GABRA2: variants seen among roughly 807,000 people sequenced by gnomAD.
GABRA2 encodes gamma-aminobutyric acid receptor subunit alpha-2.
In GABRA2, 16 loss-of-function variants were observed where a neutral mutation model predicts 48.7. That is an observed-to-expected ratio of 0.33 (90% CI 0.22 to 0.50). GABRA2 has a LOEUF of 0.50. Among genes scored for constraint, GABRA2 ranks in the 20% least tolerant of loss-of-function variants. GABRA2 has a pLI of 0.98. For missense variants in GABRA2, 275 were observed against 535.6 expected, an observed-to-expected ratio of 0.51 and a Z score of 4.80; for synonymous variants, 185 against 184.5, an observed-to-expected ratio of 1.00 and a Z score of -0.02.
At chr4:46,329,086 A>G (rs1016357959) in intron 4 of GABRA2, among the ~76,000 whole-genome samples, 4 of 152,056 alleles carry the variant, frequency 2.6e-5, no homozygotes, top group African/African-American at 9.7e-5. Context: ...GATTTGGACA[A>G]ATATCAACAG....
chr4:46,357,005 TTTG>T (rs1322357226), intron 3 of GABRA2, among the ~76,000 whole-genome samples: 2 of 152,020 alleles, frequency 1.3e-5, no homozygotes, highest in Non-Finnish European at 2.9e-5. Flanking sequence ...TTGTTTTGTT[TTTG>T]TTGTTGTTGT....
intron 3 of GABRA2, among the ~76,000 whole-genome samples, chr4:46,358,626 G>T (rs1216085373): frequency 6.6e-6 from 1 of 152,126 alleles, no homozygotes; most frequent in South Asian, 2.1e-4. Context: ...GAAATTCAGG[G>T]ATCACATGTT....
chr4:46,354,833 G>A (rs955466920), intron 3 of GABRA2, among the ~76,000 whole-genome samples: 2 of 152,066 alleles, frequency 1.3e-5, no homozygotes, highest in Non-Finnish European at 2.9e-5. Flanking sequence ...TGGTGCCAGC[G>A]TATCCGCTTG....
intron 3 of GABRA2, among the ~76,000 whole-genome samples, chr4:46,338,649 A>G (rs953826574): frequency 1.3e-5 from 2 of 151,880 alleles, no homozygotes; most frequent in Non-Finnish European, 2.9e-5. Flanking sequence ...ATGTGTGCCA[A>G]TTACTTGACT....
intron 6 of GABRA2, among the ~76,000 whole-genome samples, 163 bp from the exon 7 acceptor site, chr4:46,305,874 TGA>T (rs1726602902): frequency 6.6e-6 from 1 of 152,196 alleles, no homozygotes; most frequent in South Asian, 2.1e-4. Context: ...TACTTCAATA[TGA>T]GAGTTATGAA....
chr4:46,305,251 T>C (rs1577981850), intron 7 of GABRA2, among the ~76,000 whole-genome samples: 1 of 91,874 alleles, frequency 1.1e-5, no homozygotes, highest in African/African-American at 4.3e-5. Flanking sequence ...CATCACACAC[T>C]GGGGCCTGTT....
At chr4:46,280,796 G>A (rs549237014) in intron 8 of GABRA2, among the ~76,000 whole-genome samples, 18 of 152,282 alleles carry the variant, frequency 1.2e-4, no homozygotes, top group African/African-American at 4.1e-4. Flanking sequence ...AGAAGAATCT[G>A]TCATAATGGT....
intron 3 of GABRA2, among the ~76,000 whole-genome samples, chr4:46,371,811 T>A (rs1032391159): frequency 2.6e-5 from 4 of 152,152 alleles, no homozygotes; most frequent in African/African-American, 9.7e-5. Flanking sequence ...AAATTATAAA[T>A]CTCTAAGTGT....
chr4:46,303,957 A>T (rs1726191889), intron 7 of GABRA2, among the ~76,000 whole-genome samples: 1 of 152,168 alleles, frequency 6.6e-6, no homozygotes. Context: ...AAAATATATA[A>T]AATCTAACAT....
chr4:46,279,499 T>C (rs1721109032), intron 8 of GABRA2, among the ~76,000 whole-genome samples: 2 of 152,214 alleles, frequency 1.3e-5, no homozygotes, highest in South Asian at 4.1e-4. Flanking sequence ...CATCTCTTTT[T>C]TTAAATTTTT....
chr4:46,286,102 C>G (rs1413858301), intron 8 of GABRA2, among the ~76,000 whole-genome samples: 3 of 152,066 alleles, frequency 2.0e-5, no homozygotes, highest in Admixed American at 2.0e-4. Flanking sequence ...ATTAAGTAAT[C>G]ACTCTCCATT....
chr4:46,310,205 T>C lies in GABRA2; in HGVS notation c.527A>G (p.Asp176Gly). 1 of 1,613,660 alleles carries C rather than the reference T, an allele frequency of 6.2e-7. No homozygotes were observed. The highest frequency in any genetic ancestry group is 8.5e-7 in the Non-Finnish European group (1 of 1,179,684). The stretch of plus-strand genomic sequence containing the variant: ...AAATTTCAGAGGACATGAATGAGCA[T>C]CCATTGGGAAATCCTCCAAGTGCAT... ...CPMHLEDFPM[D>G]AHSCPLKFGS... Residue 176 changes from aspartate to glycine, a missense_variant, in exon 6 of 10, where the codon GAT becomes GGT. Asp to Gly is a moderately conservative substitution (Grantham distance 94). Coordinates refer to ENST00000381620, the MANE Select transcript of GABRA2 (RefSeq NM_000807.4).
chr4:46,313,537 C>A (rs1462860749), intron 4 of GABRA2, among the ~76,000 whole-genome samples: 1 of 151,602 alleles, frequency 6.6e-6, no homozygotes, highest in African/African-American at 2.4e-5. Context: ...TATTATTTTT[C>A]TCCAAATTTT....
intron 8 of GABRA2, among the ~76,000 whole-genome samples, chr4:46,298,893 T>C (rs1309198693): frequency 6.6e-6 from 1 of 151,808 alleles, no homozygotes; most frequent in Admixed American, 6.6e-5. Flanking sequence ...GAATTTTCTA[T>C]AAAATTCTAG....
chr4:46,260,461 T>C (rs181719087), intron 9 of GABRA2, among the ~76,000 whole-genome samples: 267 of 151,968 alleles, frequency 1.8e-3, no homozygotes, highest in African/African-American at 6.1e-3. Flanking sequence ...AAGTAAAGAG[T>C]TGAGGAGGCA....
intron 2 of GABRA2, among the ~76,000 whole-genome samples, chr4:46,387,975 C>A (rs1308968895): frequency 6.6e-6 from 1 of 151,790 alleles, no homozygotes; most frequent in Non-Finnish European, 1.5e-5. Context: ...TTACTGAAAG[C>A]AATAAAAATT....
intron 8 of GABRA2, among the ~76,000 whole-genome samples, chr4:46,290,357 T>C (rs988449096): frequency 1.3e-5 from 2 of 152,050 alleles, no homozygotes; most frequent in Admixed American, 1.3e-4. Flanking sequence ...GTAGATCTCT[T>C]TTGAGATTAT....
At chr4:46,293,355 T>A (rs1266974334) in intron 8 of GABRA2, among the ~76,000 whole-genome samples, 2 of 152,066 alleles carry the variant, frequency 1.3e-5, no homozygotes, top group Non-Finnish European at 2.9e-5. Context: ...TTTCTCCCAT[T>A]CTTCCCCAAG....
At chr4:46,332,556 G>T (rs1403752072) in intron 4 of GABRA2, 59 bp downstream of exon 4, 6 of 963,692 alleles carry the variant, frequency 6.2e-6, no homozygotes, top group African/African-American at 1.6e-5. Context: ...TAGTTTATTT[G>T]AAATTACCCC....
Sources: allele counts gnomAD v4.1 joint callset (sites outside exome capture counted in the v4.1 genomes callset), GRCh38; gene constraint gnomAD v4.1.1; transcripts MANE v1.5; gene names NCBI Gene and HGNC (gene_info 2026-07-23, HGNC 2026-07-21).